ROBO2: variants seen among roughly 807,000 people sequenced by gnomAD.
The protein encoded by ROBO2 is roundabout guidance receptor 2.
Under a neutral mutation model 160.8 loss-of-function variants are expected in ROBO2, and 53 were observed. The observed-to-expected ratio is 0.33, with a 90% CI of 0.26 to 0.41. The LOEUF (loss-of-function observed/expected upper bound fraction) is 0.41. Among genes scored for constraint, ROBO2 ranks in the 10% least tolerant of loss-of-function variants. ROBO2 has a pLI of 1.00. For missense variants in ROBO2, 1,577 were observed against 1,722.4 expected (o/e 0.92, Z 1.49); for synonymous variants, 664 against 611.7 (o/e 1.09, Z -1.26).
chr3:76,214,903 G>A (rs1362843385), intron 2 of ROBO2, among the ~76,000 whole-genome samples: 1 of 152,170 alleles, frequency 6.6e-6, no homozygotes, highest in African/African-American at 2.4e-5. Context: ...CTAACTGGGA[G>A]GCACCCCTCA....
chr3:76,786,338 A>G lies in ROBO2; in HGVS notation c.110-311676A>G, dbSNP rs182774698. Reference sequence around the variant, plus strand: ...ATGTACCTGAGACTGGGTAATTTATATAAAAAACACAATTTAATTGGCTCA... The same window carrying G: ...ATGTACCTGAGACTGGGTAATTTATGTAAAAAACACAATTTAATTGGCTCA... On this transcript the variant is annotated intron_variant, in intron 2 of 26. Transcript: ENST00000487694. Among the ~76,000 whole-genome samples, 181 of 151,464 alleles carry G rather than the reference A, an allele frequency of 1.2e-3. 1 individual carries two copies. The highest frequency in any genetic ancestry group is 2.4e-3 in the Non-Finnish European group (159 of 67,542).
chr3:76,188,653 T>A (rs1290398875), intron 2 of ROBO2, among the ~76,000 whole-genome samples: 1 of 152,114 alleles, frequency 6.6e-6, no homozygotes, highest in Non-Finnish European at 1.5e-5. Context: ...CAAACCCCCA[T>A]GCTATCTAAC....
chr3:77,429,614 T>A (rs947738900), intron 2 of ROBO2, among the ~76,000 whole-genome samples: 1 of 21,232 alleles, frequency 4.7e-5, no homozygotes, highest in Non-Finnish European at 1.0e-4. Flanking sequence ...AAAGCAGGGT[T>A]TTTTTTTTTT....
intron 2 of ROBO2, among the ~76,000 whole-genome samples, chr3:76,571,928 G>A (rs1035268325): frequency 5.3e-5 from 8 of 152,086 alleles, no homozygotes; most frequent in African/African-American, 2.4e-5. Context: ...GATCACTTGA[G>A]CCCAAGAGCT....
intron 2 of ROBO2, among the ~76,000 whole-genome samples, chr3:76,509,034 C>A (rs2107725671): frequency 6.6e-6 from 1 of 152,290 alleles, no homozygotes; most frequent in East Asian, 1.9e-4. Flanking sequence ...AAGTTATATA[C>A]ATGCCCATAT....
At chr3:76,808,838 G>A (rs1482624649) in intron 2 of ROBO2, among the ~76,000 whole-genome samples, 1 of 152,054 alleles carries the variant, frequency 6.6e-6, no homozygotes. Context: ...CAGTGATTGG[G>A]GAATGAAAAA....
chr3:76,434,712 C>G, intron 2 of ROBO2: 2 of 1,077,306 alleles, frequency 1.9e-6, no homozygotes, highest in East Asian at 2.4e-5. Context: ...GGCAGGCCCC[C>G]CTCCTCCCCC....
chr3:77,331,540 CTT>C (rs1480070514), intron 2 of ROBO2, among the ~76,000 whole-genome samples: 1 of 152,032 alleles, frequency 6.6e-6, no homozygotes, highest in Non-Finnish European at 1.5e-5. Context: ...TTTTTAGAAA[CTT>C]AATTTCATAT....
chr3:76,501,346 A>C (rs749654337), intron 2 of ROBO2, among the ~76,000 whole-genome samples: 9 of 152,200 alleles, frequency 5.9e-5, no homozygotes, highest in Non-Finnish European at 1.3e-4. Flanking sequence ...CAGTAATGAT[A>C]AATTTCAGCC....
chr3:77,491,294 A>G (rs1183088502), intron 4 of ROBO2, among the ~76,000 whole-genome samples: 1 of 152,146 alleles, frequency 6.6e-6, no homozygotes, highest in African/African-American at 2.4e-5. Context: ...ACTAAAATCA[A>G]AGGGAACAGG....
At chr3:76,272,727 T>C (rs1430078762) in intron 2 of ROBO2, among the ~76,000 whole-genome samples, 1 of 110,982 alleles carries the variant, frequency 9.0e-6, no homozygotes, top group Non-Finnish European at 1.7e-5. Context: ...TATATACACA[T>C]ATAAATATAT....
chr3:77,507,146 T>C (rs1043558133), intron 5 of ROBO2, among the ~76,000 whole-genome samples: 1 of 152,214 alleles, frequency 6.6e-6, no homozygotes, highest in Non-Finnish European at 1.5e-5. Flanking sequence ...CCACAAGTTA[T>C]GTGAAACATT....
chr3:76,222,892 CTGCAGGCACCTGCCACCA>C (rs1470858488), intron 2 of ROBO2, among the ~76,000 whole-genome samples: 1 of 151,926 alleles, frequency 6.6e-6, no homozygotes, highest in Non-Finnish European at 1.5e-5. Flanking sequence ...GTAGCTGGGA[CTGCAGGCACCTGCCACCA>C]TGCCCAGCTA....
intron 2 of ROBO2, among the ~76,000 whole-genome samples, chr3:76,963,076 A>G (rs1487762368): frequency 6.6e-6 from 1 of 152,180 alleles, no homozygotes; most frequent in Non-Finnish European, 1.5e-5. Flanking sequence ...AACAAATGGA[A>G]AAAAAGGAAG....
intron 2 of ROBO2, among the ~76,000 whole-genome samples, chr3:77,471,894 C>T (rs1196258273): frequency 6.6e-6 from 1 of 152,130 alleles, no homozygotes; most frequent in Non-Finnish European, 1.5e-5. Context: ...GGTGCGGTGT[C>T]AACTCTGGTC....
chr3:76,218,368 A>C (rs62267432), intron 2 of ROBO2, among the ~76,000 whole-genome samples: 50,812 of 152,040 alleles, frequency 0.33, 9,409 homozygotes, highest in Non-Finnish European at 0.41. Flanking sequence ...AGAGGAAGTC[A>C]AATTGTCCCT....
intron 2 of ROBO2, among the ~76,000 whole-genome samples, chr3:76,456,501 G>A (rs557834722): frequency 2.0e-5 from 3 of 152,280 alleles, no homozygotes; most frequent in Non-Finnish European, 2.9e-5. Context: ...GGTACTTTAC[G>A]TCAGTGACTC....
intron 2 of ROBO2, among the ~76,000 whole-genome samples, chr3:76,261,090 T>G (rs1378703658): frequency 3.3e-5 from 5 of 152,154 alleles, no homozygotes; most frequent in Non-Finnish European, 7.4e-5. Flanking sequence ...AATTCAACTT[T>G]CAGTCTGAAT....
In ROBO2 at chr3:76,947,004, G is replaced by T. The variant is rs532693487; in HGVS notation, c.110-151010G>T. Among the ~76,000 whole-genome samples the T allele has an allele frequency of 2.3e-3, 346 of 152,154 alleles. 4 individuals are homozygous for T. Among genetic ancestry groups the T allele is most frequent in the Non-Finnish European group, 3.5e-3 (235 of 67,986 alleles). ...GTATATTTAGTCTAACGTTTTAATT[G>T]TTTCGGGTGGGAGAGTATGTCTAGT... is the stretch of plus-strand genomic sequence containing the variant. On this transcript the variant is annotated intron_variant, in intron 2 of 26. Transcript: ENST00000487694.
Sources: allele counts gnomAD v4.1 joint callset (sites outside exome capture counted in the v4.1 genomes callset), GRCh38; gene constraint gnomAD v4.1.1; transcripts MANE v1.5; gene names NCBI Gene and HGNC (gene_info 2026-07-23, HGNC 2026-07-21).